HEPHL1: variants seen among roughly 807,000 people sequenced by gnomAD.
HEPHL1 encodes ferroxidase HEPHL1.
HEPHL1 carries 123 observed loss-of-function variants against 122.0 expected under a neutral mutation model. The observed-to-expected ratio is 1.01, with a 90% CI of 0.87 to 1.17. The LOEUF is 1.17. HEPHL1 is among the 50% of genes most tolerant of loss of function. The pLI is 0.00. For synonymous variants in HEPHL1, 527 were observed against 508.9 expected, an observed-to-expected ratio of 1.04 and a Z score of -0.48; for missense variants, 1,452 against 1,430.5, an observed-to-expected ratio of 1.01 and a Z score of -0.24.
At chr11:94,043,732 A>T (rs1310192646) in intron 1 of HEPHL1, among the ~76,000 whole-genome samples, 1 of 151,552 alleles carries the variant, frequency 6.6e-6, no homozygotes, top group Non-Finnish European at 1.5e-5. Context: ...GTAACTCTTC[A>T]TTGTTCGAGA....
In HEPHL1 at chr11:94,106,128, AAAGT is replaced by A. The variant is rs748752045; in HGVS notation, c.3045+4_3045+7del. The A allele has an allele frequency of 1.3e-6, 2 of 1,554,162 alleles. No individual in the cohort carries two copies. The highest frequency in any genetic ancestry group is 1.8e-6 in the Non-Finnish European group (2 of 1,142,548). ...TTATCATGCTGAGAGCTTTCTTTTC[AAAGT>A]AAGTATAAGGAAAGTGCTTTGGGAA... On this transcript the variant is annotated splice_donor_variant and coding_sequence_variant, in exon 17 of 20. Coordinates refer to ENST00000315765, the MANE Select transcript of HEPHL1 (RefSeq NM_001098672.2). LOFTEE classifies it high-confidence loss of function.
intron 13 of HEPHL1, among the ~76,000 whole-genome samples, chr11:94,097,726 G>A (rs972316296): frequency 6.6e-6 from 1 of 152,144 alleles, no homozygotes; most frequent in Non-Finnish European, 1.5e-5. Context: ...ATATATTTAG[G>A]TTAGTTAGCT....
chr11:94,057,928 A>T (rs79634177), intron 2 of HEPHL1, among the ~76,000 whole-genome samples: 11 of 127,220 alleles, frequency 8.6e-5, no homozygotes, highest in East Asian at 2.9e-4. Context: ...ACTCTAGGTT[A>T]TTTTTTTTGC....
intron 3 of HEPHL1, 125 bp downstream of exon 3, chr11:94,063,845 A>G (rs1027741790): frequency 9.3e-6 from 7 of 754,362 alleles, no homozygotes; most frequent in East Asian, 5.2e-5. Flanking sequence ...AAATTCTGAC[A>G]TGGAAGATCA....
At chr11:94,070,766 C>T (rs1946068428) in intron 6 of HEPHL1, among the ~76,000 whole-genome samples, 1 of 152,112 alleles carries the variant, frequency 6.6e-6, no homozygotes, top group Non-Finnish European at 1.5e-5. Flanking sequence ...AACACTAGAT[C>T]ATTCACTCAT....
At chr11:94,024,097 A>G (rs1475606391) in intron 1 of HEPHL1, among the ~76,000 whole-genome samples, 2 of 152,174 alleles carry the variant, frequency 1.3e-5, no homozygotes, top group African/African-American at 4.8e-5. Context: ...CTGGAGGGTG[A>G]ATAGGCTGCC....
chr11:94,101,097 G>GTTTGA (rs2134451622), intron 13 of HEPHL1, 98 bp from the exon 14 acceptor site: 2 of 1,393,748 alleles, frequency 1.4e-6, no homozygotes, highest in East Asian at 4.6e-5. Flanking sequence ...AACAACTAAA[G>GTTTGA]CCAAACTATT....
intron 2 of HEPHL1, 60 bp downstream of exon 2, chr11:94,045,977 CAG>C: frequency 6.6e-7 from 1 of 1,508,778 alleles, no homozygotes; most frequent in Non-Finnish European, 9.0e-7. Context: ...AGGTAACTGT[CAG>C]AGTTAAAGAG....
intron 12 of HEPHL1, 84 bp downstream of exon 12, chr11:94,089,052 T>C: frequency 8.1e-7 from 1 of 1,238,188 alleles, no homozygotes; most frequent in Non-Finnish European, 1.2e-6. Context: ...CCCTGCAAAT[T>C]CCCAGGTTGT....
intron 2 of HEPHL1, chr11:94,055,231 T>C: frequency 3.7e-6 from 1 of 267,834 alleles, no homozygotes; most frequent in South Asian, 4.4e-5. Context: ...TTTCTGCTGC[T>C]CAGATTTTCC....
At chr11:94,025,461 A>T (rs754224840) in intron 1 of HEPHL1, among the ~76,000 whole-genome samples, 6 of 152,170 alleles carry the variant, frequency 3.9e-5, no homozygotes, top group African/African-American at 1.4e-4. Flanking sequence ...TTAAAGCCAC[A>T]GTTCTCACCA....
intron 10 of HEPHL1, among the ~76,000 whole-genome samples, chr11:94,085,292 A>G (rs981781017): frequency 6.6e-6 from 1 of 152,216 alleles, no homozygotes; most frequent in Non-Finnish European, 1.5e-5. Context: ...CTCTGGAAGC[A>G]CAGAGGGTCT....
rs1016300068 is a variant in HEPHL1 at position 94,021,598 on chromosome 11, G to T, written c.170+60G>T. The stretch of plus-strand genomic sequence containing the variant: ...TTTGGCCTCTTTTTGACTTTGTGTG[G>T]GGAAGGTTGTATTTCTTGGGTACTT... On this transcript the variant is annotated intron_variant, in intron 1 of 19. Coordinates refer to ENST00000315765, the MANE Select transcript of HEPHL1 (RefSeq NM_001098672.2). 1.3e-5 allele frequency: 17 copies of T among 1,327,692 alleles called. No individual in the cohort carries two copies. In the Admixed American group the frequency reaches 2.6e-4, roughly 21 times the overall value. The allele number at this position is 1,327,692 out of a possible 1,614,324, so 82.2% of individuals were successfully genotyped here.
chr11:94,074,882 C>T (rs1946107636), intron 8 of HEPHL1, among the ~76,000 whole-genome samples: 1 of 152,124 alleles, frequency 6.6e-6, no homozygotes, highest in Non-Finnish European at 1.5e-5. Context: ...TGAATTTTCA[C>T]TTAACTGTTG....
intron 2 of HEPHL1, among the ~76,000 whole-genome samples, chr11:94,048,660 C>A (rs1418803778): frequency 6.6e-6 from 1 of 152,122 alleles, no homozygotes; most frequent in African/African-American, 2.4e-5. Context: ...CTGTGCCCAG[C>A]CTGTGGACAA....
chr11:94,073,476 G>A (rs535964204), intron 8 of HEPHL1, 37 bp downstream of exon 8: 10 of 1,546,488 alleles, frequency 6.5e-6, no homozygotes, highest in Admixed American at 5.9e-5. Context: ...GAAACAGGAC[G>A]GGTGAGCAAA....
chr11:94,022,478 C>T (rs1217458980), intron 1 of HEPHL1, among the ~76,000 whole-genome samples: 1 of 152,188 alleles, frequency 6.6e-6, no homozygotes, highest in Non-Finnish European at 1.5e-5. Flanking sequence ...CAGCACAGGG[C>T]CTACCAGCAA....
chr11:94,111,389 AT>A, intron 18 of HEPHL1, 147 bp from the exon 19 acceptor site: 2 of 710,938 alleles, frequency 2.8e-6, no homozygotes, highest in East Asian at 5.4e-5. Context: ...AAGCATGTAC[AT>A]GGGAATGAAG....
chr11:94,043,828 T>G (rs562334469), intron 1 of HEPHL1, among the ~76,000 whole-genome samples: 2 of 152,194 alleles, frequency 1.3e-5, no homozygotes, highest in South Asian at 2.1e-4. Flanking sequence ...TAATGTGTGT[T>G]CTCATAACTC....
Sources: allele counts gnomAD v4.1 joint callset (sites outside exome capture counted in the v4.1 genomes callset), GRCh38; gene constraint gnomAD v4.1.1; transcripts MANE v1.5; gene names NCBI Gene and HGNC (gene_info 2026-07-23, HGNC 2026-07-21).